Variants in BRCA2 observed in about 807,000 individuals in gnomAD.
BRCA2 encodes the protein BRCA2 DNA repair associated.
In BRCA2, 203 loss-of-function variants were observed where a neutral mutation model predicts 276.7. That is an observed-to-expected ratio of 0.73 (90% CI 0.65 to 0.82). BRCA2 has a LOEUF of 0.82. Ranked by LOEUF, BRCA2 falls within the 40% of genes least tolerant of loss-of-function variation. The pLI, the probability that BRCA2 is intolerant of heterozygous loss-of-function variation, is 0.00. For synonymous variants in BRCA2, 1,289 were observed against 1,338.4 expected, an observed-to-expected ratio of 0.96 and a Z score of 0.81; for missense variants, 3,920 against 3,915.0, an observed-to-expected ratio of 1.00 and a Z score of -0.03.
chr13:32,370,967 G>A lies in BRCA2; in HGVS notation c.8499G>A (p.Lys2833=), dbSNP rs558819788. ...QRAYPIQWME[K]TSSGLYIFRN... ...ACACATTATTACAGTGGATGGAGAA[G>A]ACATCATCTGGATTATACATATTTC... The change falls in exon 20 of 27, where the codon AAG becomes AAA. Residue 2833 remains lysine, a synonymous_variant. Coordinates refer to ENST00000380152, the MANE Select transcript of BRCA2 (RefSeq NM_000059.4). 2.1e-5 allele frequency: 34 copies of A among 1,614,022 alleles called. No individual in the cohort carries two copies. The Admixed American group carries it at 5.7e-4, about 27-fold the overall frequency.
chr13:32,340,277 T>C lies in BRCA2; in HGVS notation c.5922T>C (p.Thr1974=), dbSNP rs786201515. ...KLHKSVSSAN[T]CGIFSTASGK... ...ATAAGTCAGTCTCATCTGCAAATAC[T>C]TGTGGGATTTTTAGCACAGCAAGTG... Residue 1974 remains threonine, a synonymous_variant, in exon 11 of 27, where the codon ACT becomes ACC. Coordinates refer to ENST00000380152, the MANE Select transcript of BRCA2 (RefSeq NM_000059.4). 3.1e-6 allele frequency: 5 copies of C among 1,614,012 alleles called. No individual in the cohort carries two copies. The South Asian group carries it at 3.3e-5, about 11-fold the overall frequency.
At chr13:32,342,512 G>C (rs952392328) in intron 11 of BRCA2, among the ~76,000 whole-genome samples, 1 of 152,150 alleles carries the variant, frequency 6.6e-6, no homozygotes, top group African/African-American at 2.4e-5. Context: ...ATTTGACAGG[G>C]ATATATGTTC....
At chr13:32,327,453 C>T (rs1351732893) in intron 7 of BRCA2, among the ~76,000 whole-genome samples, 7 of 151,260 alleles carry the variant, frequency 4.6e-5, no homozygotes, top group East Asian at 1.9e-4. Flanking sequence ...GGGAGGATCA[C>T]GAGGTCAGGA....
chr13:32,337,960 A>G lies in BRCA2; in HGVS notation c.3605A>G (p.Lys1202Arg). The G allele has an allele frequency of 6.2e-7, 1 of 1,614,036 alleles. No homozygotes were observed. Among genetic ancestry groups the G allele is most frequent in the Non-Finnish European group, 8.5e-7 (1 of 1,179,930 alleles). Residue 1202 changes from lysine to arginine, a missense_variant, in exon 11 of 27, where the codon AAA becomes AGA. Physicochemically the swap from Lys to Arg is conservative, Grantham distance 26 (BLOSUM62 2). This residue lies in a region of BRCA2 where 3,263 missense variants were observed against 3,156.9 expected (regional missense o/e 1.03). Coordinates refer to ENST00000380152, the MANE Select transcript of BRCA2 (RefSeq NM_000059.4). Reference sequence around the variant, plus strand: ...GGCCTGTTGAAAAATGACTGTAACAAAAGTGCTTCTGGTTATTTAACAGAT... The same window carrying G: ...GGCCTGTTGAAAAATGACTGTAACAGAAGTGCTTCTGGTTATTTAACAGAT... Reference protein sequence around the residue: ...FAGLLKNDCNKSASGYLTDEN... With the variant: ...FAGLLKNDCNRSASGYLTDEN...
chr13:32,352,741 A>G (rs2072661401), intron 13 of BRCA2, among the ~76,000 whole-genome samples: 1 of 152,206 alleles, frequency 6.6e-6, no homozygotes, highest in Admixed American at 6.5e-5. Flanking sequence ...TTCTAACAAG[A>G]GGAACAAAAT....
chr13:32,368,337 T>C (rs1414113133), intron 18 of BRCA2, among the ~76,000 whole-genome samples: 1 of 152,118 alleles, frequency 6.6e-6, no homozygotes, highest in Non-Finnish European at 1.5e-5. Context: ...ACAGCCCTTT[T>C]CTTCTAGTTC....
chr13:32,355,208 A>G lies in BRCA2; in HGVS notation c.7355A>G (p.Asn2452Ser), dbSNP rs398122581. 1 of 1,612,576 alleles carries G rather than the reference A, an allele frequency of 6.2e-7. No individual in the cohort carries two copies. Among genetic ancestry groups the G allele is most frequent in the South Asian group, 1.1e-5 (1 of 91,042 alleles). ...SDDSKNKIND[N>S]EIHQFNKNNS... is the part of the protein sequence containing the mutation. ...GATAGTAAAAATAAGATTAATGACA[A>G]TGAGATTCATCAGTTTAACAAAAAC... is the stretch of plus-strand genomic sequence containing the variant. Residue 2452 changes from asparagine (N) to serine (S), a missense_variant, in exon 14 of 27, where the codon AAT becomes AGT. Around this residue, in one of 2 missense-constraint regions of BRCA2, gnomAD observed 3,263 missense variants for 3,156.9 expected, o/e 1.03. Coordinates refer to ENST00000380152, the MANE Select transcript of BRCA2 (RefSeq NM_000059.4).
chr13:32,371,475 G>A (rs893018908), intron 20 of BRCA2, among the ~76,000 whole-genome samples: 6 of 151,550 alleles, frequency 4.0e-5, no homozygotes, highest in South Asian at 2.1e-4. Flanking sequence ...TTATTTTTTC[G>A]TATCTCCCTT....
chr13:32,379,560 A>AAAAT, intron 22 of BRCA2, 45 bp downstream of exon 22: 5 of 1,590,192 alleles, frequency 3.1e-6, no homozygotes, highest in Non-Finnish European at 4.3e-6. Context: ...ATTAACTTAA[A>AAAAT]AAATGACCTT....
rs786201413 is a variant in BRCA2 at position 32,340,262 on chromosome 13, C to T, written c.5907C>T (p.Val1969=). 1 of 1,613,938 alleles carries T rather than the reference C, an allele frequency of 6.2e-7. No individual in the cohort carries two copies. The highest frequency in any genetic ancestry group is 1.7e-4 in the Middle Eastern group (1 of 6,060). Residue 1969 remains valine, a synonymous_variant, in exon 11 of 27, where the codon GTC becomes GTT. Transcript: ENST00000380152. Reference sequence around the variant, plus strand: ...GTATAGGGAAGCTTCATAAGTCAGTCTCATCTGCAAATACTTGTGGGATTT... The same window carrying T: ...GTATAGGGAAGCTTCATAAGTCAGTTTCATCTGCAAATACTTGTGGGATTT... The part of the protein sequence containing the change: ...KCSIGKLHKS[V]SSANTCGIFS...
At position 32,325,069 on chromosome 13, in the gene BRCA2, G is replaced by A. The variant is rs1555280836; in HGVS notation, c.317-7G>A. 1 of 1,541,168 alleles carries A rather than the reference G, an allele frequency of 6.5e-7. No individual in the cohort carries two copies. The highest frequency in any genetic ancestry group is 9.0e-7 in the Non-Finnish European group (1 of 1,114,274). On this transcript the variant is annotated splice_polypyrimidine_tract_variant and splice_region_variant and intron_variant, in intron 3 of 26. Transcript: ENST00000380152. ...TACATTCTCACTGAATTATTGTACTGTTTCAGGAAGGAATGTTCCCAATAG... is the reference window on the plus strand; with the variant it reads ...TACATTCTCACTGAATTATTGTACTATTTCAGGAAGGAATGTTCCCAATAG...
chr13:32,337,114 C>T lies in BRCA2; in HGVS notation c.2759C>T (p.Pro920Leu), dbSNP rs1555282835. 1 of 1,613,696 alleles carries T rather than the reference C, an allele frequency of 6.2e-7. No homozygotes were observed. The highest frequency in any genetic ancestry group is 8.5e-7 in the Non-Finnish European group (1 of 1,179,872). The change falls in exon 11 of 27, where the codon CCC becomes CTC. Residue 920 changes from proline (P) to leucine (L), a missense_variant. Physicochemically the swap from Pro to Leu is moderately conservative, Grantham distance 98. Coordinates refer to ENST00000380152, the MANE Select transcript of BRCA2 (RefSeq NM_000059.4). ...HETDLTCVNEPIFKNSTMVLY... is the reference protein window; with the variant it reads ...HETDLTCVNELIFKNSTMVLY... The stretch of plus-strand genomic sequence containing the variant: ...ACAGACTTGACTTGTGTAAACGAAC[C>T]CATTTTCAAGAACTCTACCATGGTT...
At chr13:32,388,666 CTT>C in intron 24 of BRCA2, among the ~76,000 whole-genome samples, 1 of 146,260 alleles carries the variant, frequency 6.8e-6, no homozygotes, top group Middle Eastern at 3.6e-3. Flanking sequence ...AATGCATTTT[CTT>C]TTTTTTTTTT....
At chr13:32,359,641 A>G (rs1005031295) in intron 16 of BRCA2, among the ~76,000 whole-genome samples, 2 of 152,244 alleles carry the variant, frequency 1.3e-5, no homozygotes, top group African/African-American at 4.8e-5. Context: ...TTTAACTTTT[A>G]AAAACAGAAA....
Position 32,337,432 on chromosome 13 carries a change from A to G in BRCA2, c.3077A>G (p.Lys1026Arg), listed in dbSNP as rs1060502380. Residue 1026 changes from lysine to arginine, a missense_variant, in exon 11 of 27, where the codon AAG becomes AGG. Lys to Arg is a conservative substitution (Grantham distance 26, BLOSUM62 2). Transcript: ENST00000380152. The stretch of plus-strand genomic sequence containing the variant: ...AAGCTCTCTGAACATAACATTAAGA[A>G]GAGCAAAATGTTCTTCAAAGATATT... ...EIKLSEHNIK[K>R]SKMFFKDIEE... The G allele has an allele frequency of 3.7e-6, 6 of 1,613,216 alleles. No individual in the cohort carries two copies. Among genetic ancestry groups the G allele is most frequent in the Non-Finnish European group, 5.1e-6 (6 of 1,179,554 alleles).
intron 20 of BRCA2, among the ~76,000 whole-genome samples, chr13:32,373,184 G>A (rs899209330): frequency 6.6e-6 from 1 of 151,750 alleles, no homozygotes. Flanking sequence ...TAGAGATGGG[G>A]TTTCACCATG....
chr13:32,359,906 C>T (rs1029678485), intron 16 of BRCA2, among the ~76,000 whole-genome samples: 2 of 151,908 alleles, frequency 1.3e-5, no homozygotes, highest in Non-Finnish European at 2.9e-5. Context: ...TAAAGGAAAA[C>T]AAAAAAGTCC....
chr13:32,396,435 A>G (rs180939006), intron 25 of BRCA2, among the ~76,000 whole-genome samples: 79 of 152,350 alleles, frequency 5.2e-4, no homozygotes, highest in African/African-American at 1.8e-3. Flanking sequence ...CAACAGTTTC[A>G]TGTAGTTTAA....
rs1166146660 is a variant in BRCA2, at chr13:32,339,923, T to C, written c.5568T>C (p.His1856=). 6.2e-7 allele frequency: 1 copy of C among 1,607,056 alleles called. No individual in the cohort carries two copies. The highest frequency in any genetic ancestry group is 8.5e-7 in the Non-Finnish European group (1 of 1,176,638). The change falls in exon 11 of 27, where the codon CAT becomes CAC. Residue 1856 remains histidine, a synonymous_variant. Transcript: ENST00000380152. ...IASGKIVCVS[H]ETIKKVKDIF... is the part of the protein sequence containing the mutation. ...GTGGTAAAATCGTTTGTGTTTCACA[T>C]GAAACAATTAAAAAAGTGAAAGACA... is the stretch of plus-strand genomic sequence containing the variant.
Sources: gnomAD v4.1 joint callset for allele counts (sites outside exome capture counted in the v4.1 genomes callset) on GRCh38, gnomAD v4.1.1 for gene constraint, gnomAD v4.1.1 regional missense constraint, MANE v1.5 for transcripts, NCBI Gene and HGNC (gene_info 2026-07-23, HGNC 2026-07-21) for gene names.